PLCL1: variants seen among roughly 807,000 people sequenced by gnomAD.
PLCL1 encodes inactive phospholipase C-like protein 1.
Under a neutral mutation model 84.4 loss-of-function variants are expected in PLCL1, and 41 were observed. The observed-to-expected ratio is 0.49, with a 90% CI of 0.38 to 0.63. PLCL1 has a LOEUF of 0.63. PLCL1 is among the 30% of genes least tolerant of loss of function. The pLI is 0.00. For missense variants in PLCL1, 1,206 were observed against 1,367.8 expected (o/e 0.88, Z 1.87); for synonymous variants, 490 against 488.3 (o/e 1.00, Z -0.05).
Position 197,808,324 on chromosome 2 carries a change from T to C in PLCL1, c.240+2985T>C, listed in dbSNP as rs548213020. On this transcript the variant is annotated intron_variant, in intron 1 of 5. Transcript: ENST00000428675. ...ACAAGTTGGATACCTGCAGTATTGA[T>C]AATCTCTAAAAGTTGTTTACTATTC... Among the ~76,000 whole-genome samples, 17 of 152,350 alleles carry C rather than the reference T, an allele frequency of 1.1e-4. No homozygotes were observed. The East Asian group carries it at 3.3e-3, about 29-fold the overall frequency.
At chr2:197,872,813 A>G (rs917343730) in intron 1 of PLCL1, among the ~76,000 whole-genome samples, 4 of 152,188 alleles carry the variant, frequency 2.6e-5, no homozygotes, top group Admixed American at 6.5e-5. Context: ...TTATACTAGG[A>G]AAGAAGACAA....
At position 197,915,472 on chromosome 2, in the gene PLCL1, A is replaced by AG. The variant is rs1688577636; in HGVS notation, c.240+110136dup. 3.3e-5 allele frequency among the ~76,000 whole-genome samples: 5 copies of AG among 151,028 alleles called. No individual in the cohort carries two copies. The South Asian group carries it at 1.1e-3, about 32-fold the overall frequency. ...TTCCAAGAATTCTGTGGATAAAAGG[A>AG]GGGTTTTTTTTTTTAAACCAAACCT... On this transcript the variant is annotated intron_variant, in intron 1 of 5. Coordinates refer to ENST00000428675, the MANE Select transcript of PLCL1 (RefSeq NM_006226.4).
chr2:197,962,290 A>C (rs867899074), intron 1 of PLCL1, among the ~76,000 whole-genome samples: 1 of 152,078 alleles, frequency 6.6e-6, no homozygotes, highest in Non-Finnish European at 1.5e-5. Flanking sequence ...AAAGTGGAGT[A>C]AAATATAAAT....
chr2:197,976,945 C>A (rs1689994038), intron 1 of PLCL1, among the ~76,000 whole-genome samples: 1 of 152,182 alleles, frequency 6.6e-6, no homozygotes, highest in African/African-American at 2.4e-5. Flanking sequence ...TCATCCATTG[C>A]CTTGACATGC....
In PLCL1 at chr2:198,025,288, T is replaced by C. The variant is rs536179742; in HGVS notation, c.241-58470T>C. On this transcript the variant is annotated intron_variant, in intron 1 of 5. Coordinates refer to ENST00000428675, the MANE Select transcript of PLCL1 (RefSeq NM_006226.4). ...ATAAGCAAACCCACACACATGCATA[T>C]ATAAGATAATAATATGAATATTTAT... Among the ~76,000 whole-genome samples, 15 of 152,246 alleles carry C rather than the reference T, an allele frequency of 9.9e-5. No individual in the cohort carries two copies. In the East Asian group the frequency reaches 2.9e-3, roughly 29 times the overall value.
At chr2:198,138,113 T>A (rs1346748999) in intron 5 of PLCL1, among the ~76,000 whole-genome samples, 1 of 152,188 alleles carries the variant, frequency 6.6e-6, no homozygotes, top group Non-Finnish European at 1.5e-5. Context: ...TATTAGTCAG[T>A]TGTCATACTG....
At chr2:197,816,011 A>G (rs891173531) in intron 1 of PLCL1, among the ~76,000 whole-genome samples, 1 of 152,204 alleles carries the variant, frequency 6.6e-6, no homozygotes, top group Non-Finnish European at 1.5e-5. Flanking sequence ...AAGCAGCAGC[A>G]GGGTTCAAGA....
At chr2:198,069,218 C>T (rs1692406119) in intron 1 of PLCL1, among the ~76,000 whole-genome samples, 4 of 149,858 alleles carry the variant, frequency 2.7e-5, no homozygotes, top group Admixed American at 1.3e-4. Context: ...GAGCTGGGCA[C>T]GGTGGCTCAT....
intron 1 of PLCL1, among the ~76,000 whole-genome samples, chr2:197,977,751 T>C (rs1225323601): frequency 1.3e-5 from 2 of 152,212 alleles, no homozygotes; most frequent in Non-Finnish European, 2.9e-5. Flanking sequence ...TGGCTTATTG[T>C]AGCATTTGGG....
At position 197,862,320 on chromosome 2, in the gene PLCL1, T is replaced by C. The variant is rs538648209; in HGVS notation, c.240+56981T>C. Among the ~76,000 whole-genome samples the C allele has an allele frequency of 1.2e-4, 18 of 152,284 alleles. No individual in the cohort carries two copies. The South Asian group carries it at 3.7e-3, about 32-fold the overall frequency. On this transcript the variant is annotated intron_variant, in intron 1 of 5. Transcript: ENST00000428675. ...AAATATTTTCTGATAAATGCTAACT[T>C]GATTTGCTGATTATTGGAGAGCTAA...
At chr2:197,859,917 G>C (rs1291960217) in intron 1 of PLCL1, among the ~76,000 whole-genome samples, 1 of 152,084 alleles carries the variant, frequency 6.6e-6, no homozygotes, top group African/African-American at 2.4e-5. Flanking sequence ...GTGCAGGTTT[G>C]TTATATAGGT....
chr2:197,978,215 G>T (rs138341785), intron 1 of PLCL1, among the ~76,000 whole-genome samples: 2 of 152,304 alleles, frequency 1.3e-5, no homozygotes, highest in East Asian at 3.9e-4. Context: ...GGTGGCTCAC[G>T]CCTGTAATCC....
intron 1 of PLCL1, among the ~76,000 whole-genome samples, chr2:198,012,290 G>C (rs1252059040): frequency 6.6e-6 from 1 of 152,110 alleles, no homozygotes; most frequent in African/African-American, 2.4e-5. Context: ...TATTCTTGGA[G>C]GGACAGGAAC....
chr2:198,081,791 C>A (rs1692720203), intron 1 of PLCL1, among the ~76,000 whole-genome samples: 1 of 152,076 alleles, frequency 6.6e-6, no homozygotes. Context: ...AATAAATTAT[C>A]CTGTCTTTTC....
At chr2:197,879,598 G>A (rs1255489042) in intron 1 of PLCL1, among the ~76,000 whole-genome samples, 1 of 152,086 alleles carries the variant, frequency 6.6e-6, no homozygotes, top group Non-Finnish European at 1.5e-5. Context: ...AAAACCCTGA[G>A]GAAAATTTAA....
At chr2:198,089,859 A>G (rs1447008705) in intron 3 of PLCL1, among the ~76,000 whole-genome samples, 3 of 152,242 alleles carry the variant, frequency 2.0e-5, no homozygotes, top group African/African-American at 7.2e-5. Flanking sequence ...TAAGTTTTTA[A>G]TTAGAAATTA....
chr2:197,997,726 A>G (rs988928527), intron 1 of PLCL1, among the ~76,000 whole-genome samples: 1 of 152,158 alleles, frequency 6.6e-6, no homozygotes, highest in African/African-American at 2.4e-5. Flanking sequence ...CATGACCTTT[A>G]TCTTCCATTT....
chr2:198,128,290 T>C (rs1423102525), intron 5 of PLCL1, among the ~76,000 whole-genome samples: 4 of 152,164 alleles, frequency 2.6e-5, no homozygotes, highest in Non-Finnish European at 5.9e-5. Flanking sequence ...TCATGCTACC[T>C]AGAAAGAGCT....
At chr2:197,829,584 A>G (rs1207361969) in intron 1 of PLCL1, among the ~76,000 whole-genome samples, 1 of 152,080 alleles carries the variant, frequency 6.6e-6, no homozygotes, top group Non-Finnish European at 1.5e-5. Flanking sequence ...AAACATGTAG[A>G]TTTTTGCTGT....
Sources: gnomAD v4.1 joint callset for allele counts (sites outside exome capture counted in the v4.1 genomes callset) on GRCh38, gnomAD v4.1.1 for gene constraint, MANE v1.5 for transcripts, NCBI Gene and HGNC (gene_info 2026-07-23, HGNC 2026-07-21) for gene names.